SCGN: variants seen among roughly 807,000 people sequenced by gnomAD.
The protein encoded by SCGN is secretagogin, EF-hand calcium binding protein, also known as secretagogin.
Under a neutral mutation model 39.7 loss-of-function variants are expected in SCGN, and 30 were observed. The observed-to-expected ratio is 0.76, with a 90% CI of 0.57 to 1.03. The LOEUF (loss-of-function observed/expected upper bound fraction) is 1.03. Among genes scored for constraint, SCGN ranks in the 50% least tolerant of loss-of-function variants. The pLI is 0.00. For missense variants in SCGN, 353 were observed against 349.4 expected (o/e 1.01, Z -0.08); for synonymous variants, 106 against 114.1 (o/e 0.93, Z 0.45).
At chr6:25,658,575 G>T (rs1760273339) in intron 2 of SCGN, among the ~76,000 whole-genome samples, 1 of 152,068 alleles carries the variant, frequency 6.6e-6, no homozygotes, top group South Asian at 2.1e-4. Context: ...ACTGGTTTGG[G>T]TTTATAATTT....
At chr6:25,689,079 A>T in intron 7 of SCGN, 93 bp from the exon 8 acceptor site, 1 of 774,222 alleles carries the variant, frequency 1.3e-6, no homozygotes, top group East Asian at 2.5e-5. Context: ...TCTGCAGGAA[A>T]TTGCCTGTAC....
intron 10 of SCGN, among the ~76,000 whole-genome samples, chr6:25,693,137 A>T (rs373210258): frequency 2.6e-5 from 4 of 152,170 alleles, no homozygotes; most frequent in East Asian, 3.8e-4. Context: ...ATTTCCAAAA[A>T]TAATAGTCTT....
At chr6:25,675,879 T>C (rs1759557608) in intron 6 of SCGN, among the ~76,000 whole-genome samples, 1 of 152,262 alleles carries the variant, frequency 6.6e-6, no homozygotes, top group South Asian at 2.1e-4. Flanking sequence ...AACTAAAGGC[T>C]GACCACTCTT....
chr6:25,658,642 A>T (rs983978622), intron 2 of SCGN, among the ~76,000 whole-genome samples: 1 of 152,126 alleles, frequency 6.6e-6, no homozygotes. Flanking sequence ...TATAACTTTA[A>T]TTTTTTCACA....
intron 4 of SCGN, among the ~76,000 whole-genome samples, chr6:25,665,480 T>A (rs531898265): frequency 7.9e-5 from 12 of 152,288 alleles, no homozygotes; most frequent in Admixed American, 5.9e-4. Context: ...GTCAAAACAA[T>A]TCATTAGAGT....
At chr6:25,696,563 G>A (rs920971332) in intron 10 of SCGN, among the ~76,000 whole-genome samples, 3 of 152,126 alleles carry the variant, frequency 2.0e-5, no homozygotes, top group Admixed American at 6.5e-5. Flanking sequence ...ATATCCTTGT[G>A]CAAAGATCTT....
At chr6:25,670,348 G>T (rs1467906657) in intron 6 of SCGN, among the ~76,000 whole-genome samples, 1 of 152,180 alleles carries the variant, frequency 6.6e-6, no homozygotes, top group African/African-American at 2.4e-5. Context: ...TAAGCATCAG[G>T]CCAATAACCT....
chr6:25,669,186 G>A (rs1759454558), intron 4 of SCGN, among the ~76,000 whole-genome samples: 1 of 151,306 alleles, frequency 6.6e-6, no homozygotes, highest in Non-Finnish European at 1.5e-5. Context: ...TTCTTAGTTT[G>A]TCATATTGCC....
intron 7 of SCGN, among the ~76,000 whole-genome samples, chr6:25,686,805 C>T (rs933808161): frequency 2.0e-5 from 3 of 151,904 alleles, no homozygotes; most frequent in Non-Finnish European, 4.4e-5. Context: ...CCGTTTGTTT[C>T]CTTCTAAGAG....
chr6:25,676,353 C>T (rs2151380074), intron 6 of SCGN, among the ~76,000 whole-genome samples: 1 of 152,288 alleles, frequency 6.6e-6, no homozygotes, highest in East Asian at 1.9e-4. Context: ...GGCTCTGTCT[C>T]TGAGAAAAAG....
At chr6:25,675,622 G>T (rs191613770) in intron 6 of SCGN, among the ~76,000 whole-genome samples, 1 of 152,324 alleles carries the variant, frequency 6.6e-6, no homozygotes, top group East Asian at 1.9e-4. Flanking sequence ...CCTAAATCCT[G>T]CAACAATGGC....
At position 25,689,500 on chromosome 6, in the gene SCGN, G is replaced by T; in HGVS notation, c.601G>T (p.Asp201Tyr). 6.2e-7 allele frequency: 1 copy of T among 1,613,894 alleles called. No individual in the cohort carries two copies. Among genetic ancestry groups the T allele is most frequent in the South Asian group, 1.1e-5 (1 of 91,046 alleles). Residue 201 changes from aspartate to tyrosine, a missense_variant, in exon 9 of 11, where the codon GAC becomes TAC. Asp to Tyr is a radical substitution (Grantham distance 160). Transcript: ENST00000377961. ...DACSTEERKR[D>Y]FEKIFAYYDV... The stretch of plus-strand genomic sequence containing the variant: ...TTGTTCTACTGAAGAAAGGAAAAGG[G>T]ACTTTGAGAAAATCTTTGCCTACTA...
At chr6:25,686,393 C>G (rs1355526394) in intron 7 of SCGN, among the ~76,000 whole-genome samples, 2 of 152,134 alleles carry the variant, frequency 1.3e-5, no homozygotes, top group African/African-American at 4.8e-5. Flanking sequence ...TTGTTTGCAT[C>G]TTTCTTTTAA....
intron 9 of SCGN, among the ~76,000 whole-genome samples, chr6:25,690,549 T>G (rs1759762230): frequency 6.6e-6 from 1 of 152,168 alleles, no homozygotes; most frequent in Admixed American, 6.5e-5. Context: ...CATATTTGCA[T>G]GTGTTATAAA....
At chr6:25,669,793 A>C (rs1759466117) in intron 5 of SCGN, among the ~76,000 whole-genome samples, 1 of 152,204 alleles carries the variant, frequency 6.6e-6, no homozygotes, top group Non-Finnish European at 1.5e-5. Context: ...ATTTATGATA[A>C]CTTTTTCACG....
chr6:25,680,440 G>A (rs529828933), intron 6 of SCGN, among the ~76,000 whole-genome samples: 4 of 152,100 alleles, frequency 2.6e-5, no homozygotes, highest in Non-Finnish European at 5.9e-5. Flanking sequence ...TTATTCTTAC[G>A]TGAGCCATAG....
intron 4 of SCGN, 62 bp downstream of exon 4, chr6:25,665,094 A>C (rs1582574458): frequency 7.6e-7 from 1 of 1,315,440 alleles, no homozygotes. Context: ...GATCTTAGCC[A>C]CCTGCTGTGG....
At position 25,670,076 on chromosome 6, in the gene SCGN, GGTAA is replaced by G; in HGVS notation, c.471+5_471+8del. Reference sequence around the variant, plus strand: ...AACTGGAAGAATACACTGGCACCATGGTAAGTAATGAGTAATGTAATCTCCATGA... The same window carrying G: ...AACTGGAAGAATACACTGGCACCATGGTAATGAGTAATGTAATCTCCATGA... On this transcript the variant is annotated splice_donor_variant and splice_donor_region_variant and intron_variant, in intron 6 of 10. Coordinates refer to ENST00000377961, the MANE Select transcript of SCGN (RefSeq NM_006998.4). LOFTEE classifies it high-confidence loss of function. 1 of 1,605,208 alleles carries G rather than the reference GGTAA, an allele frequency of 6.2e-7. No homozygotes were observed.
At chr6:25,665,112 C>T (rs1371527114) in intron 4 of SCGN, 80 bp downstream of exon 4, 2 of 1,063,846 alleles carry the variant, frequency 1.9e-6, no homozygotes, top group Non-Finnish European at 2.9e-6. Flanking sequence ...TGGCTGCCAC[C>T]ACTCCTGCCC....
Sources: allele counts gnomAD v4.1 joint callset (sites outside exome capture counted in the v4.1 genomes callset), GRCh38; gene constraint gnomAD v4.1.1; transcripts MANE v1.5; gene names NCBI Gene and HGNC (gene_info 2026-07-23, HGNC 2026-07-21).